Variants in THSD7A observed in about 807,000 individuals in gnomAD.
THSD7A encodes thrombospondin type-1 domain-containing protein 7A.
THSD7A carries 96 observed loss-of-function variants against 231.3 expected under a neutral mutation model. The ratio of observed to expected loss-of-function variants is 0.41; its 90% CI spans 0.35 to 0.49. THSD7A has a LOEUF of 0.49. THSD7A is among the 20% of genes least tolerant of loss of function. The pLI, the probability that THSD7A is intolerant of heterozygous loss-of-function variation, is 0.05. For synonymous variants in THSD7A, 940 were observed against 743.3 expected (o/e 1.26, Z -4.30); for missense variants, 2,290 against 2,070.2 (o/e 1.11, Z -2.06).
At chr7:11,675,099 G>T (rs1047756182) in intron 1 of THSD7A, among the ~76,000 whole-genome samples, 1 of 152,014 alleles carries the variant, frequency 6.6e-6, no homozygotes, top group African/African-American at 2.4e-5. Flanking sequence ...GTTAGAAAGT[G>T]GGTGCAGCCC....
intron 1 of THSD7A, among the ~76,000 whole-genome samples, chr7:11,764,795 C>T (rs1782982243): frequency 6.6e-6 from 1 of 151,776 alleles, no homozygotes. Flanking sequence ...TCAATTTCAG[C>T]CCTTGGAAAA....
chr7:11,613,393 G>T (rs1780998100), intron 2 of THSD7A, among the ~76,000 whole-genome samples: 1 of 152,152 alleles, frequency 6.6e-6, no homozygotes, highest in African/African-American at 2.4e-5. Flanking sequence ...AGCTCATTTA[G>T]GGTTTAATAC....
intron 1 of THSD7A, among the ~76,000 whole-genome samples, chr7:11,740,998 G>A (rs765254858): frequency 4.0e-5 from 6 of 151,892 alleles, no homozygotes; most frequent in Admixed American, 2.0e-4. Flanking sequence ...GTATTAAATG[G>A]TGATCATATA....
intron 1 of THSD7A, among the ~76,000 whole-genome samples, chr7:11,773,044 G>T (rs573613819): frequency 1.3e-5 from 2 of 152,204 alleles, no homozygotes; most frequent in Admixed American, 1.3e-4. Context: ...GAAATAGAAT[G>T]AAGAGCCTAA....
intron 8 of THSD7A, 126 bp from the exon 9 acceptor site, chr7:11,470,120 A>AG (rs1785876851): frequency 8.8e-6 from 6 of 684,680 alleles, no homozygotes; most frequent in South Asian, 3.2e-5. Flanking sequence ...TTTAACTTCC[A>AG]GGAGTCTTTC....
Position 11,640,481 on chromosome 7 carries a change from A to G in THSD7A, c.191-3520T>C, listed in dbSNP as rs189096124. Among the ~76,000 whole-genome samples, 195 of 152,310 alleles carry G rather than the reference A, an allele frequency of 1.3e-3. 1 individual carries two copies. The highest frequency in any genetic ancestry group is 4.5e-3 in the African/African-American group (186 of 41,574). On this transcript the variant is annotated intron_variant, in intron 1 of 27. Coordinates refer to ENST00000423059, the MANE Select transcript of THSD7A (RefSeq NM_015204.3). ...TGACATAACTTAAAAATACAAATCT[A>G]TATTTAATTACAATCAGAACCGCAG...
chr7:11,409,407 G>T (rs1783703820), intron 19 of THSD7A, among the ~76,000 whole-genome samples: 1 of 152,158 alleles, frequency 6.6e-6, no homozygotes, highest in Non-Finnish European at 1.5e-5. Flanking sequence ...GTCCCTAATT[G>T]CCATGCAACA....
intron 4 of THSD7A, among the ~76,000 whole-genome samples, chr7:11,563,928 C>T (rs1006266478): frequency 6.6e-6 from 1 of 152,080 alleles, no homozygotes; most frequent in African/African-American, 2.4e-5. Context: ...GGTCACAAAT[C>T]ATATTTTTAA....
intron 4 of THSD7A, among the ~76,000 whole-genome samples, chr7:11,574,601 ATTT>A (rs78701752): frequency 2.0e-4 from 28 of 140,038 alleles, no homozygotes; most frequent in Admixed American, 4.3e-4. Context: ...CGCCCGGCTA[ATTT>A]TTTTTTTTTT....
rs1003974165 is a variant in THSD7A, at chr7:11,377,537, A to G, written c.4802-880T>C. 2.6e-5 allele frequency among the ~76,000 whole-genome samples: 4 copies of G among 152,134 alleles called. No individual in the cohort carries two copies. Among genetic ancestry groups the G allele is most frequent in the African/African-American group, 9.6e-5 (4 of 41,454 alleles). ...TTATTCAATATTTGAAAGGCATCAA[A>G]TGGAAATTGGTACTGTGGAATTTTT... On this transcript the variant is annotated intron_variant, in intron 26 of 27. Coordinates refer to ENST00000423059, the MANE Select transcript of THSD7A (RefSeq NM_015204.3). This position sits in a 1 kb window ranked among gnomAD's most constrained non-coding sequence, Gnocchi z 4.5.
intron 2 of THSD7A, among the ~76,000 whole-genome samples, chr7:11,627,062 C>T (rs1353987307): frequency 6.6e-6 from 1 of 151,950 alleles, no homozygotes; most frequent in Non-Finnish European, 1.5e-5. Flanking sequence ...AATTTTAATA[C>T]TGTAACAAAC....
rs1288974760 is a variant in THSD7A at position 11,370,617 on chromosome 7, A to G, written c.*5177T>C. On this transcript the variant is annotated 3_prime_UTR_variant, in exon 28 of 28. Coordinates refer to ENST00000423059, the MANE Select transcript of THSD7A (RefSeq NM_015204.3). ...GTACATAGACATTTTGTGCGTTAAA[A>G]AGGAAATGTACATAATGTAAAATAA... 1 of 152,204 alleles carries G rather than the reference A, an allele frequency of 6.6e-6. No homozygotes were observed. The highest frequency in any genetic ancestry group is 1.5e-5 in the Non-Finnish European group (1 of 68,014). 9.4% of individuals were successfully genotyped at this position (152,204 alleles called of 1,614,324 possible).
At chr7:11,425,472 G>A (rs924878619) in intron 15 of THSD7A, among the ~76,000 whole-genome samples, 4 of 152,108 alleles carry the variant, frequency 2.6e-5, no homozygotes, top group East Asian at 3.9e-4. Flanking sequence ...CAAGCAGTGA[G>A]GGCCACATGA....
intron 1 of THSD7A, among the ~76,000 whole-genome samples, chr7:11,736,577 C>T (rs1339394371): frequency 6.6e-6 from 1 of 151,754 alleles, no homozygotes; most frequent in Non-Finnish European, 1.5e-5. Context: ...TATTGTAAGG[C>T]TATAATAAGA....
At chr7:11,518,774 A>G (rs1358237802) in intron 6 of THSD7A, among the ~76,000 whole-genome samples, 1 of 152,250 alleles carries the variant, frequency 6.6e-6, no homozygotes, top group Non-Finnish European at 1.5e-5. Context: ...TGTACAATCA[A>G]GTCCACTGGA....
chr7:11,536,871 T>A (rs1350027675), intron 6 of THSD7A, among the ~76,000 whole-genome samples: 1 of 152,156 alleles, frequency 6.6e-6, no homozygotes, highest in Non-Finnish European at 1.5e-5. Context: ...CTTCTACCGA[T>A]TGTCCCACTT....
chr7:11,677,815 G>C (rs925876086), intron 1 of THSD7A, among the ~76,000 whole-genome samples: 4 of 152,054 alleles, frequency 2.6e-5, no homozygotes, highest in African/African-American at 9.6e-5. Context: ...GGATATCCAG[G>C]AGTTGAACTC....
At chr7:11,812,054 T>C (rs1188557464) in intron 1 of THSD7A, among the ~76,000 whole-genome samples, 1 of 151,308 alleles carries the variant, frequency 6.6e-6, no homozygotes, top group Non-Finnish European at 1.5e-5. Context: ...TGAGAGACAT[T>C]TGTAGAGACA....
intron 16 of THSD7A, among the ~76,000 whole-genome samples, chr7:11,421,339 C>T (rs1405705046): frequency 6.6e-6 from 1 of 152,038 alleles, no homozygotes. Flanking sequence ...TGGCACTTCC[C>T]CCTTCGCTCT....
Sources: allele counts gnomAD v4.1 joint callset (sites outside exome capture counted in the v4.1 genomes callset), GRCh38; gene constraint gnomAD v4.1.1; non-coding constraint Gnocchi (gnomAD v3.1); transcripts MANE v1.5; gene names NCBI Gene and HGNC (gene_info 2026-07-23, HGNC 2026-07-21).